BDP1: variants seen among roughly 807,000 people sequenced by gnomAD.
BDP1 encodes BDP1 general transcription factor IIIB subunit, also known as transcription factor TFIIIB component B'' homolog.
Under a neutral mutation model 266.6 loss-of-function variants are expected in BDP1, and 169 were observed. The ratio of observed to expected loss-of-function variants is 0.63; its 90% confidence interval spans 0.56 to 0.72. The LOEUF (loss-of-function observed/expected upper bound fraction) is 0.72, where lower values mean the gene tolerates loss of function less well. Among genes scored for constraint, BDP1 ranks in the 30% least tolerant of loss-of-function variants. The pLI is 0.00. For missense variants in BDP1, 3,015 were observed against 3,053.8 expected (o/e 0.99, Z 0.30); for synonymous variants, 1,090 against 1,022.4 (o/e 1.07, Z -1.26).
rs1743509674 is a variant in BDP1, at chr5:71,559,962, A to G, written c.7241-20A>G. On this transcript the variant is annotated intron_variant, in intron 36 of 38. Coordinates refer to ENST00000358731, the MANE Select transcript of BDP1 (RefSeq NM_018429.3). ...ATTAACTTCAGTATCCTTGCTTTCC[A>G]TTTGCTCTTTTTTTTGAAGGGGAGT... The G allele has an allele frequency of 1.2e-6, 2 of 1,610,556 alleles. No individual in the cohort carries two copies. Among genetic ancestry groups the G allele is most frequent in the Admixed American group, 1.7e-5 (1 of 59,514 alleles).
chr5:71,504,535 T>G, intron 15 of BDP1, 86 bp from the exon 16 acceptor site: 1 of 1,234,852 alleles, frequency 8.1e-7, no homozygotes, highest in Non-Finnish European at 1.1e-6. Context: ...TTTTACCATT[T>G]TATACTTAAA....
intron 16 of BDP1, among the ~76,000 whole-genome samples, chr5:71,505,479 C>T (rs1764528048): frequency 6.6e-6 from 1 of 152,072 alleles, no homozygotes; most frequent in South Asian, 2.1e-4. Context: ...TGCTTATAGT[C>T]AAAGTCTTTT....
At chr5:71,552,636 A>G (rs545687881) in intron 34 of BDP1, among the ~76,000 whole-genome samples, 12 of 152,366 alleles carry the variant, frequency 7.9e-5, no homozygotes, top group Non-Finnish European at 1.2e-4. Flanking sequence ...CCGCCAACAC[A>G]GCGAAACCCC....
Position 71,541,402 on chromosome 5 carries a change from G to T in BDP1, c.6023-52G>T. Reference sequence around the variant, plus strand: ...TACTAAATGTTGAGGAATTTATTTTGAGCATCTATAATTTGGTCCATTTTA... The same window carrying T: ...TACTAAATGTTGAGGAATTTATTTTTAGCATCTATAATTTGGTCCATTTTA... On this transcript the variant is annotated intron_variant, in intron 28 of 38. Coordinates refer to ENST00000358731, the MANE Select transcript of BDP1 (RefSeq NM_018429.3). 3 of 702,048 alleles carry T rather than the reference G, an allele frequency of 4.3e-6. No individual in the cohort carries two copies. The South Asian group carries it at 1.0e-4, about 23-fold the overall frequency. 43.5% of individuals were successfully genotyped at this position (702,048 alleles called of 1,614,324 possible).
rs377554887 is a variant in BDP1, at chr5:71,503,748, C to G, written c.2242-873C>G. On this transcript the variant is annotated intron_variant, in intron 15 of 38. Coordinates refer to ENST00000358731, the MANE Select transcript of BDP1 (RefSeq NM_018429.3). Reference sequence around the variant, plus strand: ...TTGGGAGGCCGAGGTGAGAGGATTGCTTGAGGCCAGGTGTCTGAGACCAGT... The same window carrying G: ...TTGGGAGGCCGAGGTGAGAGGATTGGTTGAGGCCAGGTGTCTGAGACCAGT... 5.4e-4 allele frequency among the ~76,000 whole-genome samples: 82 copies of G among 152,206 alleles called. No homozygotes were observed. The Middle Eastern group carries it at 0.017, about 32-fold the overall frequency.
downstream of BDP1, among the ~76,000 whole-genome samples, chr5:71,571,458 G>C (rs1744260937): frequency 6.6e-6 from 1 of 152,116 alleles, no homozygotes; most frequent in African/African-American, 2.4e-5. Flanking sequence ...CCTGGAACCA[G>C]TTTTTCTCAG....
rs1580108421 is a variant in BDP1, at chr5:71,510,503, C to T, written c.3411C>T (p.Ala1137=). 1.2e-6 allele frequency: 2 copies of T among 1,613,128 alleles called. No individual in the cohort carries two copies. Among genetic ancestry groups the T allele is most frequent in the Non-Finnish European group, 1.7e-6 (2 of 1,179,848 alleles). Residue 1137 remains alanine, a synonymous_variant, in exon 17 of 39, where the codon GCC becomes GCT. Coordinates refer to ENST00000358731, the MANE Select transcript of BDP1 (RefSeq NM_018429.3). ...PREKTPEVID[A]TEEIDKDLEE... ...AGAAGACACCAGAGGTGATTGATGCCACTGAGGAAATAGACAAAGATCTGG... is the reference window on the plus strand; with the variant it reads ...AGAAGACACCAGAGGTGATTGATGCTACTGAGGAAATAGACAAAGATCTGG...
chr5:71,572,403 C>T (rs764000805), downstream of BDP1, among the ~76,000 whole-genome samples: 5 of 152,052 alleles, frequency 3.3e-5, no homozygotes, highest in African/African-American at 9.7e-5. Context: ...ACAGGGGCTT[C>T]GAGGATGTGA....
the BDP1 span, among the ~76,000 whole-genome samples, chr5:71,573,216 A>G: frequency 4.1e-5 from 6 of 147,546 alleles, no homozygotes; most frequent in Non-Finnish European, 7.5e-5. Context: ...TGACAGAACG[A>G]GACTCTGTTT....
rs1332149600 is a variant in BDP1, at chr5:71,548,680, A to G, written c.6745-2A>G. ...CTCTTTCATTTTAATTTTTTATGGC[A>G]GTATACACCAACAAGTATTCCAGAA... On this transcript the variant is annotated splice_acceptor_variant, in intron 32 of 38. Coordinates refer to ENST00000358731, the MANE Select transcript of BDP1 (RefSeq NM_018429.3). LOFTEE classifies it high-confidence loss of function. 2.5e-6 allele frequency: 4 copies of G among 1,597,050 alleles called. No homozygotes were observed. Among genetic ancestry groups the G allele is most frequent in the Non-Finnish European group, 3.4e-6 (4 of 1,166,022 alleles).
Position 71,562,411 on chromosome 5 carries a change from C to A in BDP1, c.7634C>A (p.Ser2545Tyr), listed in dbSNP as rs181485493. The change falls in exon 38 of 39, where the codon TCT becomes TAT. Residue 2545 changes from serine to tyrosine, a missense_variant. Ser to Tyr is a moderately radical substitution (Grantham distance 144). Transcript: ENST00000358731. ...GGATTAAGAAAGAAATTGAAAAGAT[C>A]TAATCCATTCAATGAAAGCCAGGAA... ...IPGLRKKLKRSNPFNESQEKN... is the reference protein window; with the variant it reads ...IPGLRKKLKRYNPFNESQEKN... 3.1e-6 allele frequency: 5 copies of A among 1,613,858 alleles called. No homozygotes were observed. The highest frequency in any genetic ancestry group is 4.2e-6 in the Non-Finnish European group (5 of 1,179,900).
Position 71,520,959 on chromosome 5 carries a change from C to T in BDP1, c.4992-1330C>T, listed in dbSNP as rs796929550. The stretch of plus-strand genomic sequence containing the variant: ...ATCCCAGCGCTCTGGGAAACCAAGG[C>T]GGGCGAATCACCTGAGTTCGGGAGT... On this transcript the variant is annotated intron_variant, in intron 22 of 38. Coordinates refer to ENST00000358731, the MANE Select transcript of BDP1 (RefSeq NM_018429.3). 2.2e-4 allele frequency among the ~76,000 whole-genome samples: 33 copies of T among 152,098 alleles called. 1 individual carries two copies. Among genetic ancestry groups the T allele is most frequent in the South Asian group, 1.0e-3 (5 of 4,808 alleles).
In BDP1 at chr5:71,506,812, CA is replaced by C. The variant is rs1470399848; in HGVS notation, c.2372+2062del. Among the ~76,000 whole-genome samples the C allele has an allele frequency of 7.0e-5, 10 of 141,860 alleles. No homozygotes were observed. The South Asian group carries it at 7.3e-4, about 10-fold the overall frequency. 93.1% of individuals were successfully genotyped at this position (141,860 alleles called of 152,430 possible). A position where few individuals can be genotyped will look rare whatever the true frequency, so the allele number is the denominator to read the frequency against. On this transcript the variant is annotated intron_variant, in intron 16 of 38. Coordinates refer to ENST00000358731, the MANE Select transcript of BDP1 (RefSeq NM_018429.3). Reference sequence around the variant, plus strand: ...ACACACACACACACACACACACACACACACACACACACCCATATTTTTTTAA... The same window carrying C: ...ACACACACACACACACACACACACACCACACACACACCCATATTTTTTTAA...
At chr5:71,543,033 A>G (rs1207356249) in intron 30 of BDP1, among the ~76,000 whole-genome samples, 1 of 152,088 alleles carries the variant, frequency 6.6e-6, no homozygotes, top group East Asian at 1.9e-4. Context: ...CATGCCTGTA[A>G]TCCCAGCACT....
chr5:71,539,553 C>A lies in BDP1; in HGVS notation c.5930-4C>A. 2 of 1,600,250 alleles carry A rather than the reference C, an allele frequency of 1.2e-6. No homozygotes were observed. The highest frequency in any genetic ancestry group is 1.7e-6 in the Non-Finnish European group (2 of 1,172,482). On this transcript the variant is annotated splice_polypyrimidine_tract_variant and splice_region_variant and intron_variant, in intron 27 of 38. Transcript: ENST00000358731. ...TTTTTAATGTTGATATATTTCCTCA[C>A]AAGGTACCAATGATGGAAGCACCGA... is the stretch of plus-strand genomic sequence containing the variant.
At chr5:71,493,091 T>C (rs1763686924) in intron 11 of BDP1, among the ~76,000 whole-genome samples, 1 of 152,212 alleles carries the variant, frequency 6.6e-6, no homozygotes, top group Admixed American at 6.5e-5. Flanking sequence ...GTAGACAACT[T>C]TCTGTCTCTA....
intron 17 of BDP1, 116 bp downstream of exon 17, chr5:71,511,267 A>T: frequency 2.9e-6 from 3 of 1,042,584 alleles, no homozygotes; most frequent in Non-Finnish European, 4.2e-6. Context: ...CTAAAAGTCT[A>T]AAGTCTTTTG....
intron 2 of BDP1, among the ~76,000 whole-genome samples, chr5:71,460,300 A>C (rs1336184134): frequency 6.6e-6 from 1 of 152,228 alleles, no homozygotes; most frequent in Non-Finnish European, 1.5e-5. Flanking sequence ...GAATCGCTTG[A>C]ACCTGGGAGG....
At chr5:71,525,582 CGGGGGG>C (rs1765793035) in intron 25 of BDP1, among the ~76,000 whole-genome samples, 6 of 81,348 alleles carry the variant, frequency 7.4e-5, no homozygotes, top group Non-Finnish European at 1.4e-4. Flanking sequence ...GCTGGCCGGG[CGGGGGG>C]CTGACCCCCC....
Sources: gnomAD v4.1 joint callset for allele counts (sites outside exome capture counted in the v4.1 genomes callset) on GRCh38, gnomAD v4.1.1 for gene constraint, MANE v1.5 for transcripts, NCBI Gene and HGNC (gene_info 2026-07-23, HGNC 2026-07-21) for gene names.